Variants in EIF2B2 observed in about 807,000 individuals in gnomAD.
EIF2B2 encodes the protein translation initiation factor eIF2B subunit beta.
A neutral mutation model predicts 34.7 loss-of-function variants in EIF2B2; 34 were observed. The observed-to-expected ratio is 0.98, with a 90% CI of 0.75 to 1.31. EIF2B2 has a LOEUF of 1.31. Among genes scored for constraint, EIF2B2 ranks in the 50% most tolerant of loss-of-function variants. The probability of loss-of-function intolerance (pLI) is 0.00; values close to 1 mark genes in which losing one functional copy is unlikely to be tolerated. For synonymous variants in EIF2B2, 155 were observed against 171.6 expected, an observed-to-expected ratio of 0.90 and a Z score of 0.76; for missense variants, 361 against 447.7, an observed-to-expected ratio of 0.81 and a Z score of 1.75.
rs1199049322 is a variant in EIF2B2, at chr14:75,006,989, C to T, written c.831+275C>T. ...GCTTACGATTGCCACCACTCCCTGT[C>T]GCCTGACCATTTCTGAAAATGCCAA... On this transcript the variant is annotated intron_variant, in intron 6 of 7. Transcript: ENST00000266126. The surrounding 1 kb of genome is among the most constrained non-coding windows in gnomAD (Gnocchi z 4.1). The T allele has an allele frequency of 2.2e-5, 13 of 583,644 alleles. No individual in the cohort carries two copies. In the East Asian group the frequency reaches 2.4e-4, roughly 11 times the overall value. 36.2% of individuals were successfully genotyped at this position (583,644 alleles called of 1,614,324 possible). A position where few individuals can be genotyped will look rare whatever the true frequency, so the allele number is the denominator to read the frequency against.
chr14:75,005,141 G>A (rs1282305523), intron 4 of EIF2B2: 3 of 433,778 alleles, frequency 6.9e-6, no homozygotes, highest in African/African-American at 2.0e-5. Flanking sequence ...ACTTTGGGAG[G>A]CTGGGCGGGT....
chr14:75,003,215 A>G (rs1305857282), intron 1 of EIF2B2, 60 bp from the exon 2 acceptor site: 1 of 1,613,304 alleles, frequency 6.2e-7, no homozygotes, highest in East Asian at 2.2e-5. Flanking sequence ...CCCAGGGCTG[A>G]AAATTTCCCA....
Position 75,011,618 on chromosome 14 carries a change from A to G in EIF2B2, c.*2430A>G, listed in dbSNP as rs1228034550. The G allele has an allele frequency of 6.6e-6, 1 of 152,194 alleles. No homozygotes were observed. The highest frequency in any genetic ancestry group is 1.5e-5 in the Non-Finnish European group (1 of 68,026). 9.4% of individuals were successfully genotyped at this position (152,194 alleles called of 1,614,324 possible). On this transcript the variant is annotated 3_prime_UTR_variant, in exon 8 of 8. Transcript: ENST00000266126. ...AAAAGTAAGACCTCAGAAAGTCGGC[A>G]TTTTACACTGACCTAAAAGCTGTAT... is the stretch of plus-strand genomic sequence containing the variant.
chr14:75,006,970 G>C lies in EIF2B2; in HGVS notation c.831+256G>C, dbSNP rs1277331028. ...TAGTTGGGAAAGGTCCTTTGCTTAC[G>C]ATTGCCACCACTCCCTGTCGCCTGA... On this transcript the variant is annotated intron_variant, in intron 6 of 7. Transcript: ENST00000266126. The surrounding 1 kb of genome is among the most constrained non-coding windows in gnomAD (Gnocchi z 4.1). The C allele has an allele frequency of 1.6e-6, 1 of 628,944 alleles. No homozygotes were observed. The allele number at this position is 628,944 out of a possible 1,614,324, so 39.0% of individuals were successfully genotyped here.
In EIF2B2 at chr14:75,006,542, C is replaced by T. The variant is rs1364767824; in HGVS notation, c.694-35C>T. 6.2e-7 allele frequency: 1 copy of T among 1,611,716 alleles called. No individual in the cohort carries two copies. The highest frequency in any genetic ancestry group is 1.7e-5 in the Admixed American group (1 of 60,034). ...CAGTGGCCCTTTTAGGGCTCCACCC[C>T]CAGGATGGCTCACATTTTTTGTCTT... On this transcript the variant is annotated intron_variant, in intron 5 of 7. Coordinates refer to ENST00000266126, the MANE Select transcript of EIF2B2 (RefSeq NM_014239.4). The surrounding 1 kb of genome is among the most constrained non-coding windows in gnomAD (Gnocchi z 4.1).
Position 75,006,025 on chromosome 14 carries a change from C to A in EIF2B2, c.693+64C>A. 7.5e-7 allele frequency: 1 copy of A among 1,328,112 alleles called. No individual in the cohort carries two copies. The highest frequency in any genetic ancestry group is 1.1e-6 in the Non-Finnish European group (1 of 922,454). The allele number at this position is 1,328,112 out of a possible 1,614,324, so 82.3% of individuals were successfully genotyped here. A position where few individuals can be genotyped will look rare whatever the true frequency, so the allele number is the denominator to read the frequency against. On this transcript the variant is annotated intron_variant, in intron 5 of 7. Coordinates refer to ENST00000266126, the MANE Select transcript of EIF2B2 (RefSeq NM_014239.4). This position sits in a 1 kb window ranked among gnomAD's most constrained non-coding sequence, Gnocchi z 4.1. ...ATGTTTCTAAAATATTGATTTTTAT[C>A]TCCTCCTGTAATATCCACGGTGAGA...
rs759168949 is a variant in EIF2B2 at position 75,004,910 on chromosome 14, C to A, written c.597+10C>A. The stretch of plus-strand genomic sequence containing the variant: ...TGCTCCTTTCTGCCAGGTAAGGAGA[C>A]TGCTGGAGTTGCTACTAAGAAAAAT... On this transcript the variant is annotated intron_variant, in intron 4 of 7. Transcript: ENST00000266126. 3.7e-6 allele frequency: 6 copies of A among 1,609,712 alleles called. No homozygotes were observed. The African/African-American group carries it at 5.4e-5, about 14-fold the overall frequency.
chr14:75,006,744 A>T lies in EIF2B2; in HGVS notation c.831+30A>T. 6.2e-6 allele frequency: 10 copies of T among 1,613,898 alleles called. No homozygotes were observed. Among genetic ancestry groups the T allele is most frequent in the Non-Finnish European group, 8.5e-6 (10 of 1,180,016 alleles). On this transcript the variant is annotated intron_variant, in intron 6 of 7. Transcript: ENST00000266126. The surrounding 1 kb of genome is among the most constrained non-coding windows in gnomAD (Gnocchi z 4.1). ...GTGTGTCTGTCTCTAGCTAGAAGCC[A>T]GCAGAAAAGAAGGAAGCCAAAGGGT...
In EIF2B2 at chr14:75,011,532, T is replaced by C. The variant is rs1315033929; in HGVS notation, c.*2344T>C. ...GCAGAGGTAGGTTCTGAGGGAAAGGTCTCTATTCTTTGATATCTCTTTGAG... is the reference window on the plus strand; with the variant it reads ...GCAGAGGTAGGTTCTGAGGGAAAGGCCTCTATTCTTTGATATCTCTTTGAG... On this transcript the variant is annotated 3_prime_UTR_variant, in exon 8 of 8. Coordinates refer to ENST00000266126, the MANE Select transcript of EIF2B2 (RefSeq NM_014239.4). The C allele has an allele frequency of 1.3e-5, 2 of 152,092 alleles. No individual in the cohort carries two copies. The highest frequency in any genetic ancestry group is 2.9e-5 in the Non-Finnish European group (2 of 68,024). 9.4% of individuals were successfully genotyped at this position (152,092 alleles called of 1,614,324 possible).
chr14:75,006,426 C>A lies in EIF2B2; in HGVS notation c.694-151C>A. The stretch of plus-strand genomic sequence containing the variant: ...TTGGAAACCTACTTTTAAGCTAGAA[C>A]TTGTATTGAGCCAGGGATCCCTTCA... On this transcript the variant is annotated intron_variant, in intron 5 of 7. Coordinates refer to ENST00000266126, the MANE Select transcript of EIF2B2 (RefSeq NM_014239.4). The surrounding 1 kb of genome is among the most constrained non-coding windows in gnomAD (Gnocchi z 4.1). 1 of 1,110,802 alleles carries A rather than the reference C, an allele frequency of 9.0e-7. No individual in the cohort carries two copies. Among genetic ancestry groups the A allele is most frequent in the Non-Finnish European group, 1.3e-6 (1 of 774,322 alleles). 68.8% of individuals were successfully genotyped at this position (1,110,802 alleles called of 1,614,324 possible).
chr14:75,003,520 C>T (rs1266082301), intron 2 of EIF2B2, 31 bp from the exon 3 acceptor site: 2 of 1,614,054 alleles, frequency 1.2e-6, no homozygotes, highest in Admixed American at 3.3e-5. Context: ...CTCCTCCCCA[C>T]CTCTCTCTTT....
Position 75,007,766 on chromosome 14 carries a change from A to G in EIF2B2, c.876A>G (p.Glu292=). Residue 292 remains glutamate (E), a synonymous_variant, in exon 7 of 8, where the codon GAA becomes GAG. Transcript: ENST00000266126. ...CATTTCATAAGTTTGTGGCTCCTGA[A>G]GAAGTCCTGCCATTCACAGAAGGTA... is the stretch of plus-strand genomic sequence containing the variant. ...EDSFHKFVAP[E]EVLPFTEGDI... is the part of the protein sequence containing the mutation. 6.2e-7 allele frequency: 1 copy of G among 1,613,962 alleles called. No individual in the cohort carries two copies. Among genetic ancestry groups the G allele is most frequent in the Non-Finnish European group, 8.5e-7 (1 of 1,179,936 alleles).
intron 6 of EIF2B2, 147 bp from the exon 7 acceptor site, chr14:75,007,575 G>T (rs1889645506): frequency 3.1e-6 from 2 of 643,460 alleles, no homozygotes; most frequent in East Asian, 5.8e-5. Flanking sequence ...CATTTGGGTT[G>T]GTTCCAGCTT....
intron 4 of EIF2B2, 108 bp from the exon 5 acceptor site, chr14:75,005,758 G>A: frequency 1.2e-6 from 1 of 841,824 alleles, no homozygotes; most frequent in Non-Finnish European, 2.0e-6. Context: ...GAAATTATGT[G>A]CTGGATATGC....
In EIF2B2 at chr14:75,012,067, A is replaced by G. The variant is rs958552630; in HGVS notation, c.*2879A>G. The stretch of plus-strand genomic sequence containing the variant: ...TTATGACCCCAATTAAGTAAACCCT[A>G]TTAAGGCTCATCTTCTTATTTCCCC... On this transcript the variant is annotated 3_prime_UTR_variant, in exon 8 of 8. Coordinates refer to ENST00000266126, the MANE Select transcript of EIF2B2 (RefSeq NM_014239.4). The G allele has an allele frequency of 6.6e-6, 1 of 152,316 alleles. No individual in the cohort carries two copies. Among genetic ancestry groups the G allele is most frequent in the Non-Finnish European group, 1.5e-5 (1 of 68,030 alleles). 9.4% of individuals were successfully genotyped at this position (152,316 alleles called of 1,614,324 possible).
In EIF2B2 at chr14:75,012,214, A is replaced by T. The variant is rs1276572733; in HGVS notation, c.*3026A>T. The T allele has an allele frequency of 6.6e-6, 1 of 152,018 alleles. No individual in the cohort carries two copies. The highest frequency in any genetic ancestry group is 1.5e-5 in the Non-Finnish European group (1 of 68,006). 9.4% of individuals were successfully genotyped at this position (152,018 alleles called of 1,614,324 possible). ...GTCAGCCTTGGTATCAGGGGTGCCC[A>T]CCTCCCACCCCTGCCTTGCTGGCGG... is the stretch of plus-strand genomic sequence containing the variant. On this transcript the variant is annotated 3_prime_UTR_variant, in exon 8 of 8. Coordinates refer to ENST00000266126, the MANE Select transcript of EIF2B2 (RefSeq NM_014239.4).
rs1315051543 is a variant in EIF2B2 at position 75,004,687 on chromosome 14, ATATTTTTTTTTTTTT to A, written c.434-48_434-34del. 2.8e-4 allele frequency: 30 copies of A among 107,666 alleles called. 3 individuals are homozygous for A. The highest frequency in any genetic ancestry group is 3.6e-4 in the Non-Finnish European group (29 of 79,656). The allele number at this position is 107,666 out of a possible 1,614,324, so 6.7% of individuals were successfully genotyped here. A position where few individuals can be genotyped will look rare whatever the true frequency, so the allele number is the denominator to read the frequency against. ...ATTTCATATATATATATATATATAT[ATATTTTTTTTTTTTT>A]TTTTTTTTTTTTTTTTGCAAAACCG... On this transcript the variant is annotated intron_variant, in intron 3 of 7. Coordinates refer to ENST00000266126, the MANE Select transcript of EIF2B2 (RefSeq NM_014239.4).
chr14:75,009,308 AAAATCCTTGATACTGTTGCCTGCC>A lies in EIF2B2; in HGVS notation c.*121_*144del. ...AGTGCACAGGAGTCCACCTAAAAAA[AAAATCCTTGATACTGTTGCCTGCC>A]TTTTTAGTCACCCCGTAACAAGGGC... On this transcript the variant is annotated 3_prime_UTR_variant, in exon 8 of 8. Coordinates refer to ENST00000266126, the MANE Select transcript of EIF2B2 (RefSeq NM_014239.4). 7.8e-7 allele frequency: 1 copy of A among 1,280,650 alleles called. No individual in the cohort carries two copies. The highest frequency in any genetic ancestry group is 1.7e-5 in the Admixed American group (1 of 58,802). 79.3% of individuals were successfully genotyped at this position (1,280,650 alleles called of 1,614,324 possible). A position where few individuals can be genotyped will look rare whatever the true frequency, so the allele number is the denominator to read the frequency against.
chr14:75,007,381 G>T, intron 6 of EIF2B2: 1 of 344,532 alleles, frequency 2.9e-6, no homozygotes, highest in South Asian at 2.4e-5. Flanking sequence ...TGTCTCTATG[G>T]ATTTGCCCAT....
Sources: allele counts gnomAD v4.1 joint callset, GRCh38; gene constraint gnomAD v4.1.1; non-coding constraint Gnocchi (gnomAD v3.1); transcripts MANE v1.5; gene names NCBI Gene and HGNC (gene_info 2026-07-23, HGNC 2026-07-21).